PLCB4: variants seen among roughly 807,000 people sequenced by gnomAD.
PLCB4 encodes the protein 1-phosphatidylinositol 4,5-bisphosphate phosphodiesterase beta-4.
Under a neutral mutation model 178.8 loss-of-function variants are expected in PLCB4, and 77 were observed. The observed-to-expected ratio is 0.43, with a 90% CI of 0.36 to 0.52. The LOEUF (loss-of-function observed/expected upper bound fraction) is 0.52, where lower values mean the gene tolerates loss of function less well. PLCB4 is among the 20% of genes least tolerant of loss of function. PLCB4 has a pLI of 0.00. For missense variants in PLCB4, 1,024 were observed against 1,453.4 expected, an observed-to-expected ratio of 0.70 and a Z score of 4.80; for synonymous variants, 496 against 490.8, an observed-to-expected ratio of 1.01 and a Z score of -0.14.
intron 37 of PLCB4, 23 bp from the exon 38 acceptor site, chr20:9,473,253 AATT>A: frequency 1.8e-6 from 2 of 1,108,846 alleles, no homozygotes; most frequent in South Asian, 1.5e-5. Flanking sequence ...GTTCAATCAG[AATT>A]TTTTTTTTTT....
At chr20:9,176,560 T>C (rs555851576) in intron 2 of PLCB4, among the ~76,000 whole-genome samples, 1 of 152,318 alleles carries the variant, frequency 6.6e-6, no homozygotes, top group South Asian at 2.1e-4. Flanking sequence ...TTATTTACAT[T>C]ATGCACACAT....
At chr20:9,203,780 T>G (rs1433288833) in intron 2 of PLCB4, among the ~76,000 whole-genome samples, 4 of 41,472 alleles carry the variant, frequency 9.6e-5, no homozygotes, top group African/African-American at 7.1e-4. Flanking sequence ...GAATAGTGTT[T>G]TTTTTTTTTT....
chr20:9,073,450 A>G (rs1167480432), intron 1 of PLCB4, among the ~76,000 whole-genome samples: 1 of 152,230 alleles, frequency 6.6e-6, no homozygotes, highest in Non-Finnish European at 1.5e-5. Context: ...TAGGGCTACT[A>G]CTAGATCTTG....
chr20:9,430,055 G>T (rs1303026635), intron 28 of PLCB4, among the ~76,000 whole-genome samples: 1 of 151,092 alleles, frequency 6.6e-6, no homozygotes, highest in Non-Finnish European at 1.5e-5. Context: ...TAGCTGATGA[G>T]CTATAAAAAT....
Position 9,191,345 on chromosome 20 carries a change from A to ATTTT in PLCB4, c.-78-26020_-78-26017dup, listed in dbSNP as rs71184136. ...AAGGGCTGGAGGGAACTAGATAGGC[A>ATTTT]TTTTTTTTTTTTTTTTTTTTTTTTT... On this transcript the variant is annotated intron_variant, in intron 2 of 39. Transcript: ENST00000378473. Among the ~76,000 whole-genome samples the ATTTT allele has an allele frequency of 6.1e-4, 36 of 58,854 alleles. 1 individual carries two copies. The highest frequency in any genetic ancestry group is 9.6e-4 in the African/African-American group (13 of 13,552). The allele number at this position is 58,854 out of a possible 152,430, so 38.6% of individuals were successfully genotyped here.
chr20:9,459,554 A>G, intron 34 of PLCB4, 81 bp from the exon 35 acceptor site: 1 of 1,000,680 alleles, frequency 1.0e-6, no homozygotes, highest in Non-Finnish European at 1.5e-6. Flanking sequence ...GGAACCTGAA[A>G]TACCTGAATA....
chr20:9,279,447 A>G (rs1422618965), intron 3 of PLCB4, among the ~76,000 whole-genome samples: 1 of 151,960 alleles, frequency 6.6e-6, no homozygotes, highest in Non-Finnish European at 1.5e-5. Flanking sequence ...GGGAAATGAC[A>G]TTTGAGCCAG....
At chr20:9,192,835 T>C (rs1191917256) in intron 2 of PLCB4, among the ~76,000 whole-genome samples, 1 of 151,980 alleles carries the variant, frequency 6.6e-6, no homozygotes, top group Non-Finnish European at 1.5e-5. Context: ...AAGACAGTAA[T>C]AGCAGAGCTT....
chr20:9,145,668 C>T (rs917580702), intron 2 of PLCB4, among the ~76,000 whole-genome samples: 2 of 152,060 alleles, frequency 1.3e-5, no homozygotes, highest in East Asian at 1.9e-4. Flanking sequence ...TTCCATCTAT[C>T]CATTTATCTT....
rs540058988 is a variant in PLCB4, at chr20:9,298,922, A to G, written c.-15-8878A>G. ...TCATGTGATGCTTTATAATAGATAA[A>G]TCATAGCAAAGGCCATAGATTTCTT... On this transcript the variant is annotated intron_variant, in intron 3 of 39. Coordinates refer to ENST00000378473, the MANE Select transcript of PLCB4 (RefSeq NM_001377142.1). 3.4e-4 allele frequency among the ~76,000 whole-genome samples: 52 copies of G among 152,176 alleles called. 1 individual carries two copies. The South Asian group carries it at 9.7e-3, about 28-fold the overall frequency.
intron 38 of PLCB4, among the ~76,000 whole-genome samples, chr20:9,476,235 C>T (rs988446749): frequency 2.0e-5 from 3 of 152,202 alleles, no homozygotes; most frequent in Non-Finnish European, 4.4e-5. Flanking sequence ...CCTACTTGGT[C>T]AGCCAACTAT....
intron 3 of PLCB4, among the ~76,000 whole-genome samples, chr20:9,302,966 C>A (rs2094723178): frequency 6.6e-6 from 1 of 151,790 alleles, no homozygotes; most frequent in Non-Finnish European, 1.5e-5. Flanking sequence ...AGGAGTGAGA[C>A]AATCATAGAA....
At chr20:9,195,043 A>G (rs2093454033) in intron 2 of PLCB4, among the ~76,000 whole-genome samples, 1 of 152,216 alleles carries the variant, frequency 6.6e-6, no homozygotes, top group Non-Finnish European at 1.5e-5. Context: ...TCTGGAAACT[A>G]TTTCATTTTT....
intron 4 of PLCB4, among the ~76,000 whole-genome samples, chr20:9,319,197 C>A (rs890022975): frequency 1.3e-5 from 2 of 152,034 alleles, no homozygotes; most frequent in Admixed American, 1.3e-4. Flanking sequence ...ATTCTTTTTT[C>A]TGTTGAGCAG....
chr20:9,339,207 G>A (rs1215023247), intron 7 of PLCB4, among the ~76,000 whole-genome samples, 170 bp downstream of exon 7: 3 of 152,126 alleles, frequency 2.0e-5, no homozygotes, highest in Non-Finnish European at 2.9e-5. Context: ...TACCCTTTTA[G>A]CATGTCACTC....
At chr20:9,227,175 GA>G (rs2093876930) in intron 3 of PLCB4, among the ~76,000 whole-genome samples, 1 of 147,346 alleles carries the variant, frequency 6.8e-6, no homozygotes, top group Admixed American at 6.6e-5. Flanking sequence ...TTCATTGTAA[GA>G]CTTTTTTTTT....
intron 2 of PLCB4, among the ~76,000 whole-genome samples, chr20:9,116,939 T>C (rs1277498109): frequency 6.6e-6 from 1 of 152,162 alleles, no homozygotes; most frequent in Non-Finnish European, 1.5e-5. Context: ...GCCTTAGAGT[T>C]TTTGTTGTTG....
intron 3 of PLCB4, among the ~76,000 whole-genome samples, chr20:9,301,369 C>T (rs759466699): frequency 3.3e-5 from 5 of 151,806 alleles, no homozygotes; most frequent in Non-Finnish European, 7.4e-5. Context: ...AGGCACATGT[C>T]CAGAGACAAA....
intron 1 of PLCB4, among the ~76,000 whole-genome samples, chr20:9,073,815 G>A (rs2089690838): frequency 6.6e-6 from 1 of 152,128 alleles, no homozygotes; most frequent in African/African-American, 2.4e-5. Context: ...TCAAGCCCAA[G>A]AGTTCAAGGT....
Sources: allele counts gnomAD v4.1 joint callset (sites outside exome capture counted in the v4.1 genomes callset), GRCh38; gene constraint gnomAD v4.1.1; transcripts MANE v1.5; gene names NCBI Gene and HGNC (gene_info 2026-07-23, HGNC 2026-07-21).